Variants in MYO18B observed in about 807,000 individuals in gnomAD.
The protein encoded by MYO18B is myosin XVIIIB.
In MYO18B, 204 loss-of-function variants were observed where a neutral mutation model predicts 273.0. That is an observed-to-expected ratio of 0.75 (90% CI 0.67 to 0.84). The LOEUF is 0.84. MYO18B is among the 40% of genes least tolerant of loss of function. The pLI, the probability that MYO18B is intolerant of heterozygous loss-of-function variation, is 0.00. For missense variants in MYO18B, 3,212 were observed against 3,287.6 expected (o/e 0.98, Z 0.56); for synonymous variants, 1,330 against 1,305.7 (o/e 1.02, Z -0.40).
At position 25,792,497 on chromosome 22, in the gene MYO18B, C is replaced by CTTTTTTTTTTTTTTTTTTTT. The variant is rs58679561; in HGVS notation, c.2377-5440_2377-5439insTTTTTTTTTTTTTTTTTTTT. Among the ~76,000 whole-genome samples, 115 of 107,944 alleles carry CTTTTTTTTTTTTTTTTTTTT rather than the reference C, an allele frequency of 1.1e-3. 8 individuals are homozygous for CTTTTTTTTTTTTTTTTTTTT. Among genetic ancestry groups the CTTTTTTTTTTTTTTTTTTTT allele is most frequent in the African/African-American group, 2.2e-3 (61 of 27,378 alleles). The allele number at this position is 107,944 out of a possible 152,430, so 70.8% of individuals were successfully genotyped here. On this transcript the variant is annotated intron_variant, in intron 11 of 43. Transcript: ENST00000335473. ...GTGATGTTTCTTTTTTTTTTCTTTT[C>CTTTTTTTTTTTTTTTTTTTT]TTTTTTTTTTTTTTTTGAGACAGAG...
intron 1 of MYO18B, among the ~76,000 whole-genome samples, chr22:25,752,914 T>C (rs1238921840): frequency 6.6e-6 from 1 of 152,154 alleles, no homozygotes; most frequent in African/African-American, 2.4e-5. Flanking sequence ...CTCGCGCCGC[T>C]AGCCCCGGAC....
At chr22:25,908,930 T>A (rs979087890) in intron 32 of MYO18B, among the ~76,000 whole-genome samples, 4 of 152,216 alleles carry the variant, frequency 2.6e-5, no homozygotes, top group African/African-American at 9.6e-5. Flanking sequence ...ACATGCAGAT[T>A]TGCAGAGATA....
At chr22:26,002,136 A>G (rs1934013803) in intron 40 of MYO18B, among the ~76,000 whole-genome samples, 1 of 152,174 alleles carries the variant, frequency 6.6e-6, no homozygotes. Flanking sequence ...TCCACTGCAG[A>G]GTCTTTTTCT....
At chr22:25,809,712 T>C (rs1292721393) in intron 12 of MYO18B, among the ~76,000 whole-genome samples, 1 of 151,932 alleles carries the variant, frequency 6.6e-6, no homozygotes, top group South Asian at 2.1e-4. Context: ...ATATCAATAA[T>C]GACAAGGGCC....
At chr22:25,972,415 C>T (rs894614300) in intron 39 of MYO18B, among the ~76,000 whole-genome samples, 1 of 152,286 alleles carries the variant, frequency 6.6e-6, no homozygotes, top group South Asian at 2.1e-4. Flanking sequence ...TTTTATACCT[C>T]ATGTCATTTA....
chr22:26,023,449 C>T (rs543745691), intron 42 of MYO18B, among the ~76,000 whole-genome samples: 2 of 151,784 alleles, frequency 1.3e-5, no homozygotes, highest in African/African-American at 2.4e-5. Context: ...TTTTTTCCCC[C>T]CTATGTTTTT....
At position 25,878,061 on chromosome 22, in the gene MYO18B, C is replaced by G. The variant is rs188049074; in HGVS notation, c.4314+13C>G. On this transcript the variant is annotated intron_variant, in intron 25 of 43. Coordinates refer to ENST00000335473, the MANE Select transcript of MYO18B (RefSeq NM_032608.7). ...GCTAGAAAGCAAGGTATCCCCATCC[C>G]TCCTCTTGGGTCCTTGTGGGGGGTC... The G allele has an allele frequency of 1.3e-6, 2 of 1,566,836 alleles. No individual in the cohort carries two copies. Among genetic ancestry groups the G allele is most frequent in the African/African-American group, 2.7e-5 (2 of 73,876 alleles).
At chr22:25,783,167 A>T (rs536804993) in intron 10 of MYO18B, among the ~76,000 whole-genome samples, 1 of 152,336 alleles carries the variant, frequency 6.6e-6, no homozygotes, top group East Asian at 1.9e-4. Flanking sequence ...ATCTGCCTTG[A>T]TACCCCTGAC....
chr22:25,773,124 G>C (rs912660310), intron 7 of MYO18B, among the ~76,000 whole-genome samples: 1 of 152,122 alleles, frequency 6.6e-6, no homozygotes, highest in South Asian at 2.1e-4. Flanking sequence ...ATCTCTAAGC[G>C]CCACCTTGTG....
chr22:25,902,677 G>A lies in MYO18B; in HGVS notation c.4888G>A (p.Val1630Met). ...SVFEKGLREK[V>M]TQENTSVRWE... is the part of the protein sequence containing the mutation. ...GTTTGAGAAGGGTCTCCGTGAGAAA[G>A]TGACCCAGGAGAACACCAGTGTCCG... Residue 1630 changes from valine to methionine, a missense_variant, in exon 30 of 44, where the codon GTG (valine) becomes ATG (methionine). Physicochemically the swap from Val to Met is conservative, Grantham distance 21. Transcript: ENST00000335473. 6.3e-7 allele frequency: 1 copy of A among 1,598,628 alleles called. No individual in the cohort carries two copies. The highest frequency in any genetic ancestry group is 8.5e-7 in the Non-Finnish European group (1 of 1,172,272).
chr22:25,809,010 C>A (rs1306164259), intron 12 of MYO18B, among the ~76,000 whole-genome samples: 1 of 152,118 alleles, frequency 6.6e-6, no homozygotes, highest in East Asian at 1.9e-4. Context: ...GTGGTGCAAT[C>A]TTGGCTTACA....
chr22:25,851,687 G>A, intron 21 of MYO18B, 108 bp downstream of exon 21: 3 of 817,974 alleles, frequency 3.7e-6, no homozygotes, highest in Non-Finnish European at 6.1e-6. Flanking sequence ...TGTAATCTCA[G>A]TGCTTTGGGA....
At chr22:25,952,030 A>G (rs1346506102) in intron 37 of MYO18B, among the ~76,000 whole-genome samples, 2 of 152,166 alleles carry the variant, frequency 1.3e-5, no homozygotes, top group Non-Finnish European at 2.9e-5. Flanking sequence ...CTTGTTTTCA[A>G]TTGTGAAGGC....
At chr22:26,063,282 G>A in the MYO18B span, among the ~76,000 whole-genome samples, 2 of 152,154 alleles carry the variant, frequency 1.3e-5, no homozygotes, top group African/African-American at 2.4e-5. Flanking sequence ...CAAGAATACA[G>A]GTGTAAACAA....
At chr22:25,802,546 C>T (rs1054048995) in intron 12 of MYO18B, among the ~76,000 whole-genome samples, 1 of 151,754 alleles carries the variant, frequency 6.6e-6, no homozygotes, top group Admixed American at 6.6e-5. Flanking sequence ...GTCAGGAGAT[C>T]GAGACCATCC....
intron 31 of MYO18B, among the ~76,000 whole-genome samples, chr22:25,905,847 T>C (rs1305780705): frequency 6.6e-6 from 1 of 152,122 alleles, no homozygotes; most frequent in Non-Finnish European, 1.5e-5. Flanking sequence ...TCTGTGTAGG[T>C]CTTTAAAGGG....
chr22:26,026,885 G>A lies in MYO18B; in HGVS notation c.6911G>A (p.Arg2304Lys), dbSNP rs1400705074. ...AGSDEGNLSL[R>K]VGAKSPLEIE... ...AGTGACGAGGGAAACCTCTCGCTGAGGGTTGGGGCAAAGTCACCCCTGGAA... is the reference window on the plus strand; with the variant it reads ...AGTGACGAGGGAAACCTCTCGCTGAAGGTTGGGGCAAAGTCACCCCTGGAA... Residue 2304 changes from arginine to lysine, a missense_variant, in exon 43 of 44, where the codon AGG becomes AAG. Transcript: ENST00000335473. 4 of 1,603,592 alleles carry A rather than the reference G, an allele frequency of 2.5e-6. No homozygotes were observed. The highest frequency in any genetic ancestry group is 2.2e-5 in the South Asian group (2 of 89,490).
At chr22:26,045,569 T>C in the MYO18B span, among the ~76,000 whole-genome samples, 16 of 152,110 alleles carry the variant, frequency 1.1e-4, no homozygotes, top group Non-Finnish European at 2.1e-4. Context: ...GAATCAAGCA[T>C]TGGGCAGAAC....
chr22:25,945,703 T>TCTCCCCTCCCCTCCCCTCCC (rs2092696375), intron 34 of MYO18B, among the ~76,000 whole-genome samples: 4 of 33,076 alleles, frequency 1.2e-4, no homozygotes, highest in Non-Finnish European at 1.2e-4. Flanking sequence ...TCGCCTCCCC[T>TCTCCCCTCCCCTCCCCTCCC]CTCCCCTCGC....
Sources: gnomAD v4.1 joint callset for allele counts (sites outside exome capture counted in the v4.1 genomes callset) on GRCh38, gnomAD v4.1.1 for gene constraint, MANE v1.5 for transcripts, NCBI Gene and HGNC (gene_info 2026-07-23, HGNC 2026-07-21) for gene names.